Variants in DTD1 observed in about 807,000 individuals in gnomAD.
DTD1 encodes D-tyrosyl-tRNA deacylase 1 homolog.
A neutral mutation model predicts 25.6 loss-of-function variants in DTD1; 13 were observed. The ratio of observed to expected loss-of-function variants is 0.51; its 90% CI spans 0.33 to 0.81. The LOEUF is 0.81. Among genes scored for constraint, DTD1 ranks in the 30% least tolerant of loss-of-function variants. The pLI, the probability that DTD1 is intolerant of heterozygous loss-of-function variation, is 0.02. For missense variants in DTD1, 193 were observed against 266.4 expected (o/e 0.72, Z 1.92); for synonymous variants, 110 against 103.6 (o/e 1.06, Z -0.37).
intron 4 of DTD1, among the ~76,000 whole-genome samples, chr20:18,654,893 A>G (rs951088378): frequency 2.0e-5 from 3 of 152,042 alleles, no homozygotes; most frequent in South Asian, 2.1e-4. Flanking sequence ...TTGCTAAAAA[A>G]CCCTTTGTCT....
intron 5 of DTD1, among the ~76,000 whole-genome samples, chr20:18,747,613 T>A (rs1011789191): frequency 1.3e-5 from 2 of 152,192 alleles, no homozygotes; most frequent in East Asian, 3.9e-4. Flanking sequence ...CAGGGCAGCT[T>A]CCCAGCCTTA....
At chr20:18,718,865 T>C (rs2061192010) in intron 4 of DTD1, among the ~76,000 whole-genome samples, 1 of 151,884 alleles carries the variant, frequency 6.6e-6, no homozygotes, top group Non-Finnish European at 1.5e-5. Context: ...GTCAGGGGAG[T>C]GGTAGCTCTG....
In DTD1 at chr20:18,610,805, A is replaced by G. The variant is rs879683230; in HGVS notation, c.370+14564A>G. 2.1e-5 allele frequency among the ~76,000 whole-genome samples: 3 copies of G among 143,860 alleles called. No individual in the cohort carries two copies. The Admixed American group carries it at 2.1e-4, about 10-fold the overall frequency. 94.4% of individuals were successfully genotyped at this position (143,860 alleles called of 152,430 possible). ...TGTGTGCCTCTAGTCCCAGTTATTC[A>G]GGAGGCTGAGGTGGGAGGATCGCTT... On this transcript the variant is annotated intron_variant, in intron 3 of 5. Coordinates refer to ENST00000377452, the MANE Select transcript of DTD1 (RefSeq NM_080820.6).
intron 3 of DTD1, among the ~76,000 whole-genome samples, chr20:18,600,258 A>G (rs2060628414): frequency 6.6e-6 from 1 of 151,968 alleles, no homozygotes; most frequent in Non-Finnish European, 1.5e-5. Flanking sequence ...TAGGCCTATG[A>G]TTCATTTCAG....
intron 4 of DTD1, among the ~76,000 whole-genome samples, chr20:18,727,269 C>A (rs2122500170): frequency 6.6e-6 from 1 of 152,310 alleles, no homozygotes. Context: ...GCAGCCTCAG[C>A]CCAGCCCTGA....
chr20:18,756,475 G>A (rs182817968), intron 5 of DTD1, among the ~76,000 whole-genome samples: 1 of 152,176 alleles, frequency 6.6e-6, no homozygotes, highest in East Asian at 1.9e-4. Context: ...TCCAGTTTCA[G>A]CTTTCTACAT....
intron 4 of DTD1, among the ~76,000 whole-genome samples, chr20:18,740,561 C>A (rs1172996203): frequency 1.3e-5 from 2 of 152,128 alleles, no homozygotes; most frequent in African/African-American, 2.4e-5. Flanking sequence ...TACTGCAGAA[C>A]ACCAATTTCA....
At chr20:18,691,452 T>C (rs895260850) in intron 4 of DTD1, among the ~76,000 whole-genome samples, 1 of 152,214 alleles carries the variant, frequency 6.6e-6, no homozygotes, top group South Asian at 2.1e-4. Context: ...AACAAAATCA[T>C]GTCCTTTGCA....
At chr20:18,613,273 C>A (rs960971878) in intron 3 of DTD1, among the ~76,000 whole-genome samples, 1 of 152,210 alleles carries the variant, frequency 6.6e-6, no homozygotes, top group Admixed American at 6.5e-5. Context: ...TGATGCAGTT[C>A]CTGCCCTAAA....
At chr20:18,758,482 C>T (rs1441961549) in intron 5 of DTD1, among the ~76,000 whole-genome samples, 1 of 152,214 alleles carries the variant, frequency 6.6e-6, no homozygotes, top group East Asian at 1.9e-4. Context: ...TCTTTGTTCT[C>T]GTTGGTTTCA....
At chr20:18,759,709 C>T (rs199921969) in intron 5 of DTD1, among the ~76,000 whole-genome samples, 11 of 152,086 alleles carry the variant, frequency 7.2e-5, no homozygotes, top group African/African-American at 1.2e-4. Context: ...GACAATTATG[C>T]GTCTTGGAGT....
At chr20:18,630,915 A>T in intron 4 of DTD1, 1 of 226,186 alleles carries the variant, frequency 4.4e-6, no homozygotes, top group Non-Finnish European at 7.4e-6. Context: ...CACAGAAGTG[A>T]TCTTGTGCCC....
At chr20:18,588,816 C>T (rs2060576964) in intron 1 of DTD1, 1 of 985,180 alleles carries the variant, frequency 1.0e-6, no homozygotes, top group Admixed American at 6.2e-5. Flanking sequence ...TCAGCACTTT[C>T]GTCTCGGTTG....
At chr20:18,618,075 G>A (rs1286712724) in intron 3 of DTD1, among the ~76,000 whole-genome samples, 1 of 152,196 alleles carries the variant, frequency 6.6e-6, no homozygotes, top group African/African-American at 2.4e-5. Flanking sequence ...TTCATATGCA[G>A]TCGGGAGATA....
Position 18,763,801 on chromosome 20 carries a change from A to G in DTD1, c.*461A>G, listed in dbSNP as rs1179034321. The G allele has an allele frequency of 1.3e-5, 2 of 152,248 alleles. No homozygotes were observed. The highest frequency in any genetic ancestry group is 4.8e-5 in the African/African-American group (2 of 41,462). The allele number at this position is 152,248 out of a possible 1,614,324, so 9.4% of individuals were successfully genotyped here. A position where few individuals can be genotyped will look rare whatever the true frequency, so the allele number is the denominator to read the frequency against. ...CCCGTGTTGAAGTGTCAAGAGAGCA[A>G]TCATCAATGATAATGTATTGTGTGA... On this transcript the variant is annotated 3_prime_UTR_variant, in exon 6 of 6. Transcript: ENST00000377452.
chr20:18,737,546 A>G, intron 4 of DTD1, among the ~76,000 whole-genome samples: 1 of 152,196 alleles, frequency 6.6e-6, no homozygotes, highest in South Asian at 2.1e-4. Context: ...GCCTTGGGTC[A>G]GCAGGTGGGC....
chr20:18,674,970 AT>A (rs34002044), intron 4 of DTD1: 1 of 152,222 alleles, frequency 6.6e-6, no homozygotes, highest in Non-Finnish European at 1.5e-5. Flanking sequence ...AACAATAAAC[AT>A]TTTTTACACA....
At chr20:18,730,817 T>C (rs564674682) in intron 4 of DTD1, among the ~76,000 whole-genome samples, 1 of 152,364 alleles carries the variant, frequency 6.6e-6, no homozygotes, top group Admixed American at 6.5e-5. Context: ...AGGATGGGAA[T>C]GATGTTATAT....
At chr20:18,741,897 A>ATTTTT (rs57912866) in intron 4 of DTD1, among the ~76,000 whole-genome samples, 9 of 88,726 alleles carry the variant, frequency 1.0e-4, no homozygotes, top group African/African-American at 2.4e-4. Flanking sequence ...TAACCTTTGT[A>ATTTTT]TTTTTTTTTT....
Sources: allele counts gnomAD v4.1 joint callset (sites outside exome capture counted in the v4.1 genomes callset), GRCh38; gene constraint gnomAD v4.1.1; transcripts MANE v1.5; gene names NCBI Gene and HGNC (gene_info 2026-07-23, HGNC 2026-07-21).